CUX1: variants seen among roughly 807,000 people sequenced by gnomAD.
CUX1 encodes the protein cut like homeobox 1.
A neutral mutation model predicts 158.8 loss-of-function variants in CUX1; 31 were observed. The observed-to-expected ratio is 0.20, with a 90% CI of 0.15 to 0.26. CUX1 has a LOEUF of 0.26. Among genes scored for constraint, CUX1 ranks in the 10% least tolerant of loss-of-function variants. The probability of loss-of-function intolerance (pLI) is 1.00; values close to 1 mark genes in which losing one functional copy is unlikely to be tolerated. For missense variants in CUX1, 1,589 were observed against 2,014.6 expected, an observed-to-expected ratio of 0.79 and a Z score of 4.04; for synonymous variants, 879 against 862.1, an observed-to-expected ratio of 1.02 and a Z score of -0.34.
intron 2 of CUX1, among the ~76,000 whole-genome samples, chr7:101,933,400 G>A (rs999246057): frequency 2.6e-5 from 4 of 152,072 alleles, no homozygotes; most frequent in African/African-American, 9.7e-5. Context: ...AAAAGAATTA[G>A]ATTTTTAAAA....
chr7:102,060,588 T>C (rs921348591), intron 3 of CUX1, among the ~76,000 whole-genome samples: 1 of 99,326 alleles, frequency 1.0e-5, no homozygotes, highest in Non-Finnish European at 2.2e-5. Context: ...TACATATATA[T>C]ATATACACAC....
rs767333794 is a variant in CUX1, at chr7:102,082,734, C to G, written c.268+12317C>G. Among the ~76,000 whole-genome samples, 4 of 147,418 alleles carry G rather than the reference C, an allele frequency of 2.7e-5. No homozygotes were observed. In the East Asian group the frequency reaches 7.7e-4, roughly 28 times the overall value. Reference sequence around the variant, plus strand: ...TGGTCTGTGGTCCTACATCTGGCCTCTTTCACTCAGCGCGGTGTTTTGGGA... The same window carrying G: ...TGGTCTGTGGTCCTACATCTGGCCTGTTTCACTCAGCGCGGTGTTTTGGGA... On this transcript the variant is annotated intron_variant, in intron 4 of 23. Coordinates refer to ENST00000292535, the MANE Select transcript of CUX1 (RefSeq NM_181552.4).
At chr7:102,139,319 A>T (rs1443722861) in intron 8 of CUX1, among the ~76,000 whole-genome samples, 6 of 151,816 alleles carry the variant, frequency 4.0e-5, no homozygotes, top group South Asian at 2.1e-4. Flanking sequence ...AAAACCTGGG[A>T]AGTGCCCTAC....
chr7:102,200,991 C>A (rs1352175758), intron 17 of CUX1, among the ~76,000 whole-genome samples: 1 of 136,080 alleles, frequency 7.3e-6, no homozygotes, highest in African/African-American at 2.8e-5. Context: ...CGTGCCACTG[C>A]GCTCCAGCCT....
intron 4 of CUX1, among the ~76,000 whole-genome samples, chr7:102,079,565 TG>T (rs1554477850): frequency 6.6e-6 from 1 of 152,182 alleles, no homozygotes; most frequent in African/African-American, 2.4e-5. Context: ...CATTGCAGCC[TG>T]ATTCTGTACG....
At chr7:102,140,105 G>A (rs1355773911) in intron 8 of CUX1, among the ~76,000 whole-genome samples, 1 of 152,198 alleles carries the variant, frequency 6.6e-6, no homozygotes, top group Non-Finnish European at 1.5e-5. Flanking sequence ...AAGCTCTTAA[G>A]TGAAGTCTGA....
chr7:102,214,804 G>A (rs1180613365), intron 20 of CUX1, among the ~76,000 whole-genome samples: 4 of 152,246 alleles, frequency 2.6e-5, no homozygotes, highest in African/African-American at 7.2e-5. Context: ...TTCCATCGGG[G>A]CCTCCTCTAG....
intron 1 of CUX1, among the ~76,000 whole-genome samples, chr7:101,828,947 G>T (rs1200175021): frequency 7.2e-6 from 1 of 138,490 alleles, no homozygotes; most frequent in Non-Finnish European, 1.6e-5. Context: ...CCCCCTTTGG[G>T]ATATGGAGGT....
chr7:102,003,721 T>TGTTC (rs542500537), intron 2 of CUX1, among the ~76,000 whole-genome samples: 2 of 152,310 alleles, frequency 1.3e-5, no homozygotes, highest in South Asian at 4.1e-4. Context: ...GAATGAGATA[T>TGTTC]GTTCATGAGC....
intron 2 of CUX1, among the ~76,000 whole-genome samples, chr7:101,964,166 AC>A (rs1810852746): frequency 6.6e-6 from 1 of 152,030 alleles, no homozygotes; most frequent in Non-Finnish European, 1.5e-5. Context: ...AGCCTTGCCA[AC>A]ATGGTGAAAC....
At chr7:102,126,237 T>C (rs528442895) in intron 8 of CUX1, among the ~76,000 whole-genome samples, 16 of 150,228 alleles carry the variant, frequency 1.1e-4, no homozygotes, top group Admixed American at 1.0e-3. Context: ...CGGGGTTTTA[T>C]CATGTTGGCC....
intron 2 of CUX1, among the ~76,000 whole-genome samples, chr7:101,952,780 G>A (rs1362134864): frequency 6.6e-6 from 1 of 152,230 alleles, no homozygotes; most frequent in Non-Finnish European, 1.5e-5. Flanking sequence ...TCCCAGAGGT[G>A]TGTTGGGAGG....
At chr7:102,145,086 TAAAAAAAAA>T (rs59225537) in intron 8 of CUX1, among the ~76,000 whole-genome samples, 26 of 118,786 alleles carry the variant, frequency 2.2e-4, no homozygotes, top group African/African-American at 6.8e-4. Context: ...GACTCCGTCT[TAAAAAAAAA>T]AAAAAAAAAA....
chr7:102,122,712 A>T (rs1478182261), intron 8 of CUX1, among the ~76,000 whole-genome samples: 1 of 152,186 alleles, frequency 6.6e-6, no homozygotes, highest in Non-Finnish European at 1.5e-5. Context: ...CATGGCTAGG[A>T]AATGTAATTG....
chr7:101,893,817 C>T (rs1399748768), intron 1 of CUX1, among the ~76,000 whole-genome samples: 3 of 152,134 alleles, frequency 2.0e-5, no homozygotes, highest in Non-Finnish European at 4.4e-5. Flanking sequence ...AGATAATTTG[C>T]CATAAAAATT....
chr7:101,966,527 T>C (rs886689207), intron 2 of CUX1, among the ~76,000 whole-genome samples: 2 of 152,010 alleles, frequency 1.3e-5, no homozygotes, highest in African/African-American at 4.8e-5. Context: ...AGTAAGGTGG[T>C]ATTTTGCACA....
At chr7:101,904,062 G>A (rs1029931128) in intron 1 of CUX1, among the ~76,000 whole-genome samples, 4 of 151,866 alleles carry the variant, frequency 2.6e-5, no homozygotes, top group African/African-American at 4.8e-5. Flanking sequence ...GGAGGCTGAG[G>A]TGGGGGGCGG....
At chr7:102,183,790 C>A (rs1419694441) in intron 11 of CUX1, among the ~76,000 whole-genome samples, 6 of 152,238 alleles carry the variant, frequency 3.9e-5, no homozygotes, top group Non-Finnish European at 7.3e-5. Flanking sequence ...TCTGCCCCCA[C>A]GGTCAGAATT....
intron 12 of CUX1, among the ~76,000 whole-genome samples, chr7:102,190,184 A>G (rs1794125720): frequency 6.6e-6 from 1 of 152,246 alleles, no homozygotes; most frequent in Non-Finnish European, 1.5e-5. Context: ...TTTTGCAACT[A>G]TAAATTCCCC....
Sources: gnomAD v4.1 joint callset for allele counts (sites outside exome capture counted in the v4.1 genomes callset) on GRCh38, gnomAD v4.1.1 for gene constraint, MANE v1.5 for transcripts, NCBI Gene and HGNC (gene_info 2026-07-23, HGNC 2026-07-21) for gene names.